COL25A1: variants seen among roughly 807,000 people sequenced by gnomAD.
COL25A1 encodes the protein collagen alpha-1(XXV) chain.
In COL25A1, 103 loss-of-function variants were observed where a neutral mutation model predicts 128.4. The ratio of observed to expected loss-of-function variants is 0.80; its 90% CI spans 0.68 to 0.94. The LOEUF is 0.94. Among genes scored for constraint, COL25A1 ranks in the 40% least tolerant of loss-of-function variants. The pLI, the probability that COL25A1 is intolerant of heterozygous loss-of-function variation, is 0.00. For missense variants in COL25A1, 745 were observed against 840.0 expected (o/e 0.89, Z 1.40); for synonymous variants, 279 against 277.2 (o/e 1.01, Z -0.06).
chr4:109,259,713 T>A (rs1005733422), intron 3 of COL25A1, among the ~76,000 whole-genome samples: 1 of 152,210 alleles, frequency 6.6e-6, no homozygotes, highest in Non-Finnish European at 1.5e-5. Flanking sequence ...TAATATATAT[T>A]CATGTTTATA....
intron 16 of COL25A1, among the ~76,000 whole-genome samples, chr4:108,896,001 A>G (rs913922842): frequency 7.8e-6 from 1 of 128,026 alleles, no homozygotes; most frequent in South Asian, 2.7e-4. Context: ...GCTGGAGTGC[A>G]GTGGTGCGAT....
rs1257359825 is a variant in COL25A1, at chr4:109,009,123, G to GA, written c.438+1234dup. Among the ~76,000 whole-genome samples, 6 of 152,134 alleles carry GA rather than the reference G, an allele frequency of 3.9e-5. No homozygotes were observed. In the East Asian group the frequency reaches 5.8e-4, roughly 15 times the overall value. Reference sequence around the variant, plus strand: ...GGCAACAGAGCAAGACTCCGTCTCAGAAAAAACAAAACAAAACAAAACAAA... The same window carrying GA: ...GGCAACAGAGCAAGACTCCGTCTCAGAAAAAAACAAAACAAAACAAAACAAA... On this transcript the variant is annotated intron_variant, in intron 6 of 37. Transcript: ENST00000399132.
chr4:108,873,126 C>T (rs1738973309), intron 19 of COL25A1, among the ~76,000 whole-genome samples: 1 of 152,112 alleles, frequency 6.6e-6, no homozygotes, highest in African/African-American at 2.4e-5. Flanking sequence ...CTCCTGGCCT[C>T]AAGCAATCCT....
chr4:109,019,684 C>T (rs1757553288), intron 5 of COL25A1, among the ~76,000 whole-genome samples: 1 of 152,050 alleles, frequency 6.6e-6, no homozygotes, highest in Admixed American at 6.6e-5. Flanking sequence ...TACCTCTCAC[C>T]TGGTCCCTCC....
At chr4:109,166,499 G>A (rs986927257) in intron 3 of COL25A1, among the ~76,000 whole-genome samples, 1 of 152,088 alleles carries the variant, frequency 6.6e-6, no homozygotes, top group Non-Finnish European at 1.5e-5. Context: ...AATTTTCCCT[G>A]TTACTTTTGC....
intron 3 of COL25A1, among the ~76,000 whole-genome samples, chr4:109,240,031 C>T (rs1385205490): frequency 2.0e-5 from 3 of 152,042 alleles, no homozygotes; most frequent in South Asian, 2.1e-4. Context: ...ATGACACATA[C>T]GGAGCTGTCA....
chr4:108,811,449 T>C lies in COL25A1; in HGVS notation c.*2478A>G, dbSNP rs1730783701. The C allele has an allele frequency of 6.6e-6, 1 of 152,128 alleles. No individual in the cohort carries two copies. Among genetic ancestry groups the C allele is most frequent in the South Asian group, 2.1e-4 (1 of 4,836 alleles). The allele number at this position is 152,128 out of a possible 1,614,324, so 9.4% of individuals were successfully genotyped here. A position where few individuals can be genotyped will look rare whatever the true frequency, so the allele number is the denominator to read the frequency against. On this transcript the variant is annotated 3_prime_UTR_variant, in exon 38 of 38. Transcript: ENST00000399132. ...AAAAAATTTTTTTATACATAAAGTG[T>C]TTTTCTTTTGATGTTGAGGTATCGT... is the stretch of plus-strand genomic sequence containing the variant.
intron 3 of COL25A1, among the ~76,000 whole-genome samples, chr4:109,254,309 T>C (rs547776915): frequency 2.0e-5 from 3 of 150,678 alleles, no homozygotes; most frequent in Non-Finnish European, 4.4e-5. Context: ...ACCTTATTAC[T>C]ATTATTATTG....
intron 3 of COL25A1, among the ~76,000 whole-genome samples, chr4:109,135,326 G>T (rs941936949): frequency 5.9e-5 from 9 of 152,086 alleles, no homozygotes; most frequent in Middle Eastern, 3.4e-3. Context: ...ATTCTTTCTG[G>T]CTGCCTTGTG....
rs764703012 is a variant in COL25A1, at chr4:109,301,848, C to T, written c.172G>A (p.Asp58Asn). The change falls in exon 2 of 38, where the codon GAC becomes AAC. Residue 58 changes from aspartate (D) to asparagine (N), a missense_variant. This residue lies in a region of COL25A1 where 319 missense variants were observed against 324.9 expected (regional missense o/e 0.98). Transcript: ENST00000399132. ...SCLYLGVKTN[D>N]LQARIAALES... ...AGAGCGGCGATCCTCGCCTGGAGGT[C>T]GTTGGTTTTCACACCCAGGTACAGG... The T allele has an allele frequency of 1.5e-5, 25 of 1,614,104 alleles. No individual in the cohort carries two copies. In the African/African-American group the frequency reaches 3.3e-4, roughly 22 times the overall value.
At chr4:109,080,034 G>A (rs1486133563) in intron 3 of COL25A1, among the ~76,000 whole-genome samples, 1 of 152,048 alleles carries the variant, frequency 6.6e-6, no homozygotes, top group Non-Finnish European at 1.5e-5. Context: ...GCCAACTTCT[G>A]TTTGCAAACT....
chr4:108,975,956 TG>T (rs1752392924), intron 6 of COL25A1, among the ~76,000 whole-genome samples: 1 of 152,204 alleles, frequency 6.6e-6, no homozygotes. Flanking sequence ...ATGAGTCTTT[TG>T]TCAGATATAT....
chr4:108,887,039 T>C (rs780614159), intron 18 of COL25A1, among the ~76,000 whole-genome samples: 5 of 151,956 alleles, frequency 3.3e-5, no homozygotes, highest in Non-Finnish European at 7.4e-5. Flanking sequence ...ACTTATTTTA[T>C]AAATCTACAC....
intron 3 of COL25A1, among the ~76,000 whole-genome samples, chr4:109,289,760 C>T (rs1345604050): frequency 6.6e-6 from 1 of 152,074 alleles, no homozygotes; most frequent in Non-Finnish European, 1.5e-5. Context: ...AGAACATCCT[C>T]TGTTTTTGTA....
intron 3 of COL25A1, among the ~76,000 whole-genome samples, chr4:109,257,509 G>A (rs1361601984): frequency 6.6e-6 from 1 of 152,188 alleles, no homozygotes; most frequent in Non-Finnish European, 1.5e-5. Flanking sequence ...GAAATACTTG[G>A]ATAGGAAGAA....
intron 3 of COL25A1, among the ~76,000 whole-genome samples, chr4:109,062,791 A>G (rs1402475122): frequency 6.6e-6 from 1 of 152,230 alleles, no homozygotes; most frequent in Non-Finnish European, 1.5e-5. Context: ...AGAAATTCTT[A>G]AATTCTACTG....
chr4:108,930,006 A>T (rs1366183778), intron 11 of COL25A1, among the ~76,000 whole-genome samples: 1 of 152,188 alleles, frequency 6.6e-6, no homozygotes, highest in Non-Finnish European at 1.5e-5. Flanking sequence ...CATATCACTC[A>T]GTCACTCTTA....
intron 3 of COL25A1, among the ~76,000 whole-genome samples, chr4:109,077,269 T>C (rs1763458638): frequency 6.6e-6 from 1 of 152,072 alleles, no homozygotes; most frequent in South Asian, 2.1e-4. Flanking sequence ...AAATGAGAGA[T>C]TGTGGAATCC....
At chr4:109,278,110 G>A (rs959021536) in intron 3 of COL25A1, among the ~76,000 whole-genome samples, 6 of 151,864 alleles carry the variant, frequency 4.0e-5, no homozygotes, top group African/African-American at 1.5e-4. Flanking sequence ...ACTCCAGCCT[G>A]GGCAACAGAG....
Sources: gnomAD v4.1 joint callset for allele counts (sites outside exome capture counted in the v4.1 genomes callset) on GRCh38, gnomAD v4.1.1 for gene constraint, gnomAD v4.1.1 regional missense constraint, MANE v1.5 for transcripts, NCBI Gene and HGNC (gene_info 2026-07-23, HGNC 2026-07-21) for gene names.